DLG2: variants seen among roughly 807,000 people sequenced by gnomAD.
DLG2 encodes disks large homolog 2.
A neutral mutation model predicts 132.5 loss-of-function variants in DLG2; 45 were observed. The observed-to-expected ratio is 0.34, with a 90% CI of 0.27 to 0.44. The LOEUF (loss-of-function observed/expected upper bound fraction) is 0.44, where lower values mean the gene tolerates loss of function less well. DLG2 is among the 20% of genes least tolerant of loss of function. DLG2 has a pLI of 1.00. For synonymous variants in DLG2, 424 were observed against 419.6 expected (o/e 1.01, Z -0.13); for missense variants, 1,045 against 1,196.9 (o/e 0.87, Z 1.87).
At chr11:84,632,448 G>A (rs1190512006) in intron 6 of DLG2, among the ~76,000 whole-genome samples, 1 of 152,178 alleles carries the variant, frequency 6.6e-6, no homozygotes, top group Non-Finnish European at 1.5e-5. Flanking sequence ...AGAAAAAGAA[G>A]AGTGCTCCGT....
At chr11:85,220,512 C>T (rs2074562644) in intron 4 of DLG2, among the ~76,000 whole-genome samples, 1 of 151,822 alleles carries the variant, frequency 6.6e-6, no homozygotes, top group African/African-American at 2.4e-5. Context: ...GTACAGAGAT[C>T]AGGATGTTCT....
intron 6 of DLG2, among the ~76,000 whole-genome samples, chr11:85,041,976 T>C (rs2061908282): frequency 6.6e-6 from 1 of 151,848 alleles, no homozygotes; most frequent in African/African-American, 2.4e-5. Flanking sequence ...ACCTATTGGG[T>C]ACAACGTACA....
At chr11:83,671,893 T>C (rs1237332532) in intron 18 of DLG2, among the ~76,000 whole-genome samples, 1 of 152,182 alleles carries the variant, frequency 6.6e-6, no homozygotes, top group African/African-American at 2.4e-5. Context: ...TGTTTTACCA[T>C]TTATGTTTTG....
At chr11:84,378,754 C>A (rs180997781) in intron 7 of DLG2, among the ~76,000 whole-genome samples, 26 of 150,682 alleles carry the variant, frequency 1.7e-4, no homozygotes, top group African/African-American at 5.9e-4. Context: ...CATGGTGAAA[C>A]CCTGTCTGTA....
chr11:84,212,168 G>GGA (rs2096764935), intron 8 of DLG2, among the ~76,000 whole-genome samples: 1 of 152,178 alleles, frequency 6.6e-6, no homozygotes, highest in African/African-American at 2.4e-5. Context: ...TATCATCCCT[G>GGA]GAGACCGTCT....
intron 18 of DLG2, among the ~76,000 whole-genome samples, chr11:83,669,871 G>T (rs2076540636): frequency 6.6e-6 from 1 of 152,220 alleles, no homozygotes; most frequent in Non-Finnish European, 1.5e-5. Context: ...TTGCAATTAT[G>T]CAGTTCCTCG....
chr11:84,227,642 C>T (rs139419952), intron 8 of DLG2, among the ~76,000 whole-genome samples: 2 of 152,262 alleles, frequency 1.3e-5, no homozygotes, highest in South Asian at 2.1e-4. Context: ...TGTATATTGG[C>T]TGGGTGTGGT....
chr11:85,625,530 C>G (rs559728855), intron 2 of DLG2, among the ~76,000 whole-genome samples: 3 of 152,162 alleles, frequency 2.0e-5, no homozygotes, highest in African/African-American at 2.4e-5. Context: ...TCCATCTCTA[C>G]AAATATCAGC....
In DLG2 at chr11:84,960,658, C is replaced by T. The variant is rs141620067; in HGVS notation, c.357+151003G>A. Among the ~76,000 whole-genome samples the T allele has an allele frequency of 4.0e-3, 613 of 152,060 alleles. 7 individuals are homozygous for T. Among genetic ancestry groups the T allele is most frequent in the Middle Eastern group, 0.02 (6 of 294 alleles). ...ATCACCGTATTGCCCAGGTTGGTCT[C>T]AAACTCCTGAGCTCAGGCAATCCAC... On this transcript the variant is annotated intron_variant, in intron 6 of 27. Transcript: ENST00000376104.
At chr11:84,249,761 G>T (rs2097347941) in intron 8 of DLG2, among the ~76,000 whole-genome samples, 1 of 152,144 alleles carries the variant, frequency 6.6e-6, no homozygotes, top group Non-Finnish European at 1.5e-5. Context: ...TCCAGTGTTG[G>T]GGTCTCTTGG....
chr11:84,908,943 T>C (rs889692179), intron 6 of DLG2, among the ~76,000 whole-genome samples: 4 of 151,872 alleles, frequency 2.6e-5, no homozygotes, highest in Admixed American at 6.6e-5. Context: ...GCTAAATAAC[T>C]AGCTCATGAT....
At chr11:84,563,315 A>G (rs1251324722) in intron 6 of DLG2, among the ~76,000 whole-genome samples, 3 of 152,348 alleles carry the variant, frequency 2.0e-5, no homozygotes, top group East Asian at 3.9e-4. Context: ...AAGGAACACT[A>G]TGCATAGTAC....
chr11:85,185,499 A>T (rs556546456), intron 4 of DLG2, among the ~76,000 whole-genome samples: 1 of 152,078 alleles, frequency 6.6e-6, no homozygotes, highest in African/African-American at 2.4e-5. Flanking sequence ...TTTCTACAGA[A>T]CTTTGCCCAT....
intron 6 of DLG2, among the ~76,000 whole-genome samples, chr11:84,705,472 A>C (rs905961707): frequency 3.3e-5 from 5 of 151,786 alleles, no homozygotes; most frequent in African/African-American, 1.2e-4. Context: ...CAGAGAGACA[A>C]AAGCTGCTTA....
chr11:85,606,839 G>T (rs767020271), intron 2 of DLG2, among the ~76,000 whole-genome samples: 9 of 152,030 alleles, frequency 5.9e-5, no homozygotes, highest in Admixed American at 4.6e-4. Context: ...CACCGCAAAG[G>T]TCTGCAGCTT....
At chr11:83,654,906 T>G (rs1487976914) in intron 18 of DLG2, among the ~76,000 whole-genome samples, 1 of 152,240 alleles carries the variant, frequency 6.6e-6, no homozygotes, top group Non-Finnish European at 1.5e-5. Flanking sequence ...ATGGATAAGA[T>G]GTCTTGGGGA....
At chr11:85,035,982 G>T (rs550664528) in intron 6 of DLG2, among the ~76,000 whole-genome samples, 2 of 152,078 alleles carry the variant, frequency 1.3e-5, no homozygotes, top group Non-Finnish European at 2.9e-5. Flanking sequence ...AATAAAAAAG[G>T]TTTCAAAATA....
intron 15 of DLG2, among the ~76,000 whole-genome samples, chr11:83,891,385 A>G (rs766211505): frequency 6.6e-6 from 1 of 152,198 alleles, no homozygotes; most frequent in Non-Finnish European, 1.5e-5. Context: ...ACAGTTGCTA[A>G]AGACCTTAAA....
At chr11:85,592,989 AGAAG>A (rs1301696215) in intron 3 of DLG2, among the ~76,000 whole-genome samples, 1 of 151,788 alleles carries the variant, frequency 6.6e-6, no homozygotes, top group East Asian at 1.9e-4. Context: ...AAAAGAAAAA[AGAAG>A]GAAGGAAGGA....
Sources: allele counts gnomAD v4.1 joint callset (sites outside exome capture counted in the v4.1 genomes callset), GRCh38; gene constraint gnomAD v4.1.1; transcripts MANE v1.5; gene names NCBI Gene and HGNC (gene_info 2026-07-23, HGNC 2026-07-21).